Variants in SPAG16 observed in about 807,000 individuals in gnomAD.
SPAG16 encodes the protein sperm associated antigen 16.
A neutral mutation model predicts 80.4 loss-of-function variants in SPAG16; 86 were observed. That is an observed-to-expected ratio of 1.07 (90% confidence interval 0.90 to 1.28). The LOEUF is 1.28. Among genes scored for constraint, SPAG16 ranks in the 50% most tolerant of loss-of-function variants. The probability of loss-of-function intolerance (pLI) is 0.00; values close to 1 mark genes in which losing one functional copy is unlikely to be tolerated. For missense variants in SPAG16, 870 were observed against 765.3 expected (o/e 1.14, Z -1.61); for synonymous variants, 294 against 265.9 (o/e 1.11, Z -1.03).
chr2:214,022,368 T>G (rs1366170966), intron 13 of SPAG16, among the ~76,000 whole-genome samples: 1 of 152,186 alleles, frequency 6.6e-6, no homozygotes, highest in East Asian at 1.9e-4. Flanking sequence ...CAAAATTTGC[T>G]GCTTATTTAC....
chr2:213,838,948 C>T (rs1469131676), intron 10 of SPAG16, among the ~76,000 whole-genome samples: 2 of 152,170 alleles, frequency 1.3e-5, no homozygotes, highest in Admixed American at 6.6e-5. Context: ...TCAGTCCAAA[C>T]CACTGCCCTC....
At chr2:214,102,761 G>A (rs1463924737) in intron 13 of SPAG16, among the ~76,000 whole-genome samples, 1 of 149,324 alleles carries the variant, frequency 6.7e-6, no homozygotes, top group Non-Finnish European at 1.5e-5. Context: ...CGACTGAGGG[G>A]CATAAAGCAG....
chr2:213,798,889 A>C (rs545543546), intron 10 of SPAG16, among the ~76,000 whole-genome samples: 1 of 152,310 alleles, frequency 6.6e-6, no homozygotes, highest in African/African-American at 2.4e-5. Flanking sequence ...ATAGATCATA[A>C]ATGTAAGAGT....
chr2:213,732,839 T>C (rs927607642), intron 10 of SPAG16, among the ~76,000 whole-genome samples: 1 of 152,222 alleles, frequency 6.6e-6, no homozygotes, highest in Non-Finnish European at 1.5e-5. Context: ...AGTGAACATA[T>C]GCATGCACAT....
intron 15 of SPAG16, among the ~76,000 whole-genome samples, chr2:214,316,936 C>T (rs187782357): frequency 2.0e-5 from 3 of 152,282 alleles, no homozygotes; most frequent in African/African-American, 7.2e-5. Context: ...AGGCCCTTAG[C>T]ACTGTGATCC....
chr2:213,949,084 G>A (rs1473826194), intron 12 of SPAG16, among the ~76,000 whole-genome samples: 1 of 150,946 alleles, frequency 6.6e-6, no homozygotes, highest in African/African-American at 2.4e-5. Flanking sequence ...AGAAGACAGA[G>A]CAATAGGATT....
intron 15 of SPAG16, among the ~76,000 whole-genome samples, chr2:214,344,495 T>C (rs1269008648): frequency 6.6e-6 from 1 of 152,172 alleles, no homozygotes; most frequent in African/African-American, 2.4e-5. Flanking sequence ...TGAATATGAT[T>C]GTGTGTTCTT....
chr2:213,457,584 C>CT (rs1275270937), intron 9 of SPAG16, among the ~76,000 whole-genome samples: 2 of 151,864 alleles, frequency 1.3e-5, no homozygotes, highest in African/African-American at 4.8e-5. Flanking sequence ...TGTCCCTTTT[C>CT]TTTTTTTTAA....
rs1370174968 is a variant in SPAG16, at chr2:213,824,203, G to A, written c.1071-38282G>A. On this transcript the variant is annotated intron_variant, in intron 10 of 15. Coordinates refer to ENST00000331683, the MANE Select transcript of SPAG16 (RefSeq NM_024532.5). The stretch of plus-strand genomic sequence containing the variant: ...CCCATTGTTTGTTTTTGTCAGGTTT[G>A]TTGAAGATCAGATCATTATAGATGT... Among the ~76,000 whole-genome samples the A allele has an allele frequency of 8.5e-5, 13 of 152,238 alleles. No homozygotes were observed. In the East Asian group the frequency reaches 2.3e-3, roughly 27 times the overall value.
At position 213,317,284 on chromosome 2, in the gene SPAG16, C is replaced by T; in HGVS notation, c.464C>T (p.Thr155Ile). 1.2e-6 allele frequency: 2 copies of T among 1,610,700 alleles called. No individual in the cohort carries two copies. The highest frequency in any genetic ancestry group is 1.7e-6 in the Non-Finnish European group (2 of 1,177,900). The change falls in exon 5 of 16, where the codon ACC (threonine) becomes ATC (isoleucine). Residue 155 changes from threonine (T) to isoleucine (I), a missense_variant. Transcript: ENST00000331683. ...RTVGNVPDVY[T>I]QIMLLENENK... ...GTTGGGAATGTTCCAGATGTCTACA[C>T]CCAGATTATGCTTTTGGAAAATGAG...
At chr2:213,483,937 T>G (rs1045557193) in intron 9 of SPAG16, among the ~76,000 whole-genome samples, 5 of 152,230 alleles carry the variant, frequency 3.3e-5, no homozygotes, top group Admixed American at 1.3e-4. Flanking sequence ...AACCATTTCC[T>G]ATGTTTTTAA....
rs148170392 is a variant in SPAG16 at position 213,887,580 on chromosome 2, A to C, written c.1214+24952A>C. ...ATAATTTAAAACTGGAGGGGAAGAA[A>C]AATGCACTTGTTCAAAACTTTCTGC... On this transcript the variant is annotated intron_variant, in intron 11 of 15. Transcript: ENST00000331683. 6.4e-3 allele frequency among the ~76,000 whole-genome samples: 965 copies of C among 151,908 alleles called. 8 individuals are homozygous for C. The highest frequency in any genetic ancestry group is 9.9e-3 in the Non-Finnish European group (671 of 67,816).
chr2:213,472,431 T>C (rs1177126125), intron 9 of SPAG16, among the ~76,000 whole-genome samples: 1 of 152,180 alleles, frequency 6.6e-6, no homozygotes, highest in South Asian at 2.1e-4. Flanking sequence ...ATAGGCCTTA[T>C]GGGAGAGTTG....
In SPAG16 at chr2:214,185,611, C is replaced by T. The variant is rs145106544; in HGVS notation, c.1720+36345C>T. ...TTACATAAATGTATTTTTTAAATTT[C>T]GAAGAATGGACAACTGTACATAAAC... On this transcript the variant is annotated intron_variant, in intron 15 of 15. Coordinates refer to ENST00000331683, the MANE Select transcript of SPAG16 (RefSeq NM_024532.5). Among the ~76,000 whole-genome samples the T allele has an allele frequency of 2.1e-3, 316 of 151,942 alleles. 1 individual carries two copies. The highest frequency in any genetic ancestry group is 0.014 in the Middle Eastern group (4 of 294).
At chr2:213,710,366 C>T (rs1003019173) in intron 10 of SPAG16, among the ~76,000 whole-genome samples, 6 of 151,638 alleles carry the variant, frequency 4.0e-5, no homozygotes, top group Non-Finnish European at 5.9e-5. Context: ...TAAACAATTA[C>T]GTCATGCTTT....
chr2:213,657,025 A>G (rs2063247186), intron 10 of SPAG16, among the ~76,000 whole-genome samples: 1 of 152,160 alleles, frequency 6.6e-6, no homozygotes, highest in South Asian at 2.1e-4. Flanking sequence ...CAACTTCATT[A>G]TTTCACTGAA....
intron 11 of SPAG16, among the ~76,000 whole-genome samples, chr2:213,897,772 T>G (rs1033065): frequency 0.59 from 89,819 of 152,036 alleles, 28,335 homozygotes; most frequent in South Asian, 0.84. Flanking sequence ...GCCAGTAATT[T>G]AGTCCTTACT....
At chr2:214,192,071 A>T (rs953737910) in intron 15 of SPAG16, among the ~76,000 whole-genome samples, 2 of 152,128 alleles carry the variant, frequency 1.3e-5, no homozygotes, top group African/African-American at 2.4e-5. Flanking sequence ...AGAGTTTACC[A>T]CAAAGGTTGA....
At chr2:213,604,970 T>C (rs2124990789) in intron 10 of SPAG16, among the ~76,000 whole-genome samples, 1 of 149,778 alleles carries the variant, frequency 6.7e-6, no homozygotes, top group Non-Finnish European at 1.5e-5. Context: ...AAACTTTATG[T>C]TTTGTATAAA....
Sources: gnomAD v4.1 joint callset for allele counts (sites outside exome capture counted in the v4.1 genomes callset) on GRCh38, gnomAD v4.1.1 for gene constraint, MANE v1.5 for transcripts, NCBI Gene and HGNC (gene_info 2026-07-23, HGNC 2026-07-21) for gene names.